The following SKI variants were observed in gnomAD, a reference collection of about 807,000 sequenced individuals.
The protein encoded by SKI is ski oncogene.
SKI carries 23 observed loss-of-function variants against 59.3 expected under a neutral mutation model. The observed-to-expected ratio is 0.39, with a 90% CI of 0.28 to 0.55. SKI has a LOEUF of 0.55. Among genes scored for constraint, SKI ranks in the 20% least tolerant of loss-of-function variants. The pLI, the probability that SKI is intolerant of heterozygous loss-of-function variation, is 0.67. For synonymous variants in SKI, 673 were observed against 488.6 expected (o/e 1.38, Z -4.98); for missense variants, 1,017 against 1,038.9 (o/e 0.98, Z 0.29).
In SKI at chr1:2,306,774, C is replaced by T. The variant is rs1242627775; in HGVS notation, c.*9C>T. On this transcript the variant is annotated 3_prime_UTR_variant, in exon 7 of 7. Transcript: ENST00000378536. ...CGGAGCTGGAGCCGTAGATTCCGTG[C>T]CTGCCGCCGCAGCGCCGCCGACAAC... is the stretch of plus-strand genomic sequence containing the variant. 1.3e-6 allele frequency: 2 copies of T among 1,497,836 alleles called. No homozygotes were observed. Among genetic ancestry groups the T allele is most frequent in the African/African-American group, 1.5e-5 (1 of 68,534 alleles). The allele number at this position is 1,497,836 out of a possible 1,614,324, so 92.8% of individuals were successfully genotyped here.
intron 1 of SKI, among the ~76,000 whole-genome samples, chr1:2,277,718 G>C (rs1029737859): frequency 5.8e-5 from 8 of 139,102 alleles, no homozygotes; most frequent in African/African-American, 2.2e-4. Flanking sequence ...ACACACGTCA[G>C]TCCTGTGGGT....
At chr1:2,251,643 TG>T (rs1469242504) in intron 1 of SKI, among the ~76,000 whole-genome samples, 1 of 152,108 alleles carries the variant, frequency 6.6e-6, no homozygotes, top group Admixed American at 6.5e-5. Context: ...GGGCAGCATC[TG>T]GGGGGGCTGG....
intron 1 of SKI, among the ~76,000 whole-genome samples, chr1:2,245,985 C>T (rs780260192): frequency 2.7e-5 from 4 of 149,690 alleles, no homozygotes; most frequent in African/African-American, 7.4e-5. Context: ...TTAGTAGAGA[C>T]GGGTTTCGCC....
chr1:2,306,326 C>T (rs1276163129), intron 6 of SKI, 76 bp downstream of exon 6: 2 of 1,355,816 alleles, frequency 1.5e-6, no homozygotes, highest in Non-Finnish European at 2.0e-6. Flanking sequence ...CCAGTCCTGC[C>T]CAGCCGGAAA....
At position 2,303,825 on chromosome 1, in the gene SKI, C is replaced by A; in HGVS notation, c.1212-15C>A. The A allele has an allele frequency of 6.2e-7, 1 of 1,611,860 alleles. No homozygotes were observed. Among genetic ancestry groups the A allele is most frequent in the Non-Finnish European group, 8.5e-7 (1 of 1,179,626 alleles). On this transcript the variant is annotated splice_polypyrimidine_tract_variant and intron_variant, in intron 3 of 6. Coordinates refer to ENST00000378536, the MANE Select transcript of SKI (RefSeq NM_003036.4). This position sits in a 1 kb window ranked among gnomAD's most constrained non-coding sequence, Gnocchi z 5.6. ...GGGACAGAGGCACCTTCCCGACACC[C>A]GCCTGCCCCTCCAGCTTCTACTCCT...
At position 2,306,867 on chromosome 1, in the gene SKI, A is replaced by G. The variant is rs960507798; in HGVS notation, c.*102A>G. On this transcript the variant is annotated 3_prime_UTR_variant, in exon 7 of 7. Transcript: ENST00000378536. ...GCTCCGCCCCTGCAGCCCACACAGCACAACGTCTTACCGTGCCTATTACCA... is the reference window on the plus strand; with the variant it reads ...GCTCCGCCCCTGCAGCCCACACAGCGCAACGTCTTACCGTGCCTATTACCA... 10 of 783,976 alleles carry G rather than the reference A, an allele frequency of 1.3e-5. No individual in the cohort carries two copies. The highest frequency in any genetic ancestry group is 4.6e-5 in the East Asian group (1 of 21,818). 48.6% of individuals were successfully genotyped at this position (783,976 alleles called of 1,614,324 possible).
rs112836906 is a variant in SKI, at chr1:2,271,289, C to T, written c.970-31689C>T. Among the ~76,000 whole-genome samples, 6 of 152,256 alleles carry T rather than the reference C, an allele frequency of 3.9e-5. 1 individual carries two copies. The highest frequency in any genetic ancestry group is 1.4e-4 in the African/African-American group (6 of 41,558). On this transcript the variant is annotated intron_variant, in intron 1 of 6. Transcript: ENST00000378536. ...TGAAGAACACTTGCTGTCCTCCCCT[C>T]AGAAGAGTCTGCTCGGTGGGGGAGC...
intron 1 of SKI, among the ~76,000 whole-genome samples, chr1:2,272,849 CG>C (rs1639656076): frequency 6.6e-6 from 1 of 152,088 alleles, no homozygotes; most frequent in South Asian, 2.1e-4. Context: ...TCCCACGCCC[CG>C]AGCCTCGCCC....
Position 2,229,529 on chromosome 1 carries a change from C to G in SKI, c.763C>G (p.Pro255Ala). The change falls in exon 1 of 7, where the codon CCG (proline) becomes GCG (alanine). Residue 255 changes from proline to alanine, a missense_variant. Pro to Ala is a conservative substitution (Grantham distance 27). Transcript: ENST00000378536. This position sits in a 1 kb window ranked among gnomAD's most constrained non-coding sequence, Gnocchi z 6.3. ...GTGCCTGGACTGCCGCCTCATGTAC[C>G]CGCCGCACAAGTTCGTGGTGCACTC... ...IQCLDCRLMY[P>A]PHKFVVHSHK... The G allele has an allele frequency of 6.2e-7, 1 of 1,611,378 alleles. No individual in the cohort carries two copies.
chr1:2,273,147 C>T (rs909957217), intron 1 of SKI, among the ~76,000 whole-genome samples: 8 of 152,216 alleles, frequency 5.3e-5, no homozygotes, highest in Admixed American at 2.6e-4. Context: ...TGTTTTCGGC[C>T]GTCTGAGACC....
intron 5 of SKI, 129 bp from the exon 6 acceptor site, chr1:2,305,891 C>A (rs966522739): frequency 1.3e-6 from 1 of 784,482 alleles, no homozygotes; most frequent in Admixed American, 2.0e-5. Flanking sequence ...TGATGGCGCG[C>A]TGGGGGCGGG....
intron 1 of SKI, among the ~76,000 whole-genome samples, chr1:2,258,269 G>A (rs532958492): frequency 1.3e-5 from 2 of 152,170 alleles, no homozygotes; most frequent in South Asian, 4.2e-4. Context: ...CCGTATGTTC[G>A]GTGTCTGCAG....
intron 1 of SKI, among the ~76,000 whole-genome samples, chr1:2,247,127 G>A (rs1383124952): frequency 6.6e-6 from 1 of 152,242 alleles, no homozygotes; most frequent in Admixed American, 6.5e-5. Context: ...GCTGAGGCAG[G>A]AGAATCACTT....
chr1:2,287,262 C>T (rs1157245648), intron 1 of SKI, among the ~76,000 whole-genome samples: 1 of 151,686 alleles, frequency 6.6e-6, no homozygotes, highest in Non-Finnish European at 1.5e-5. Context: ...GAATGCGTTT[C>T]TTTAGATTTT....
chr1:2,293,753 G>C (rs1640220228), intron 1 of SKI, among the ~76,000 whole-genome samples: 1 of 152,204 alleles, frequency 6.6e-6, no homozygotes, highest in South Asian at 2.1e-4. Flanking sequence ...GGTGGCTGCT[G>C]CCCGGCCTCT....
intron 1 of SKI, among the ~76,000 whole-genome samples, chr1:2,266,407 C>T (rs1179084160): frequency 1.3e-5 from 2 of 152,222 alleles, no homozygotes; most frequent in African/African-American, 4.8e-5. Flanking sequence ...CCGCCATGCT[C>T]TCCCTGAATT....
Position 2,286,931 on chromosome 1 carries a change from A to G in SKI, c.970-16047A>G, listed in dbSNP as rs1640051798. Among the ~76,000 whole-genome samples the G allele has an allele frequency of 2.0e-5, 3 of 152,358 alleles. No homozygotes were observed. The South Asian group carries it at 6.2e-4, about 32-fold the overall frequency. The stretch of plus-strand genomic sequence containing the variant: ...TTTGCTTATAAAAGAACATCTTATC[A>G]AAGGTGAAACTGTTCAGAATGCCAA... On this transcript the variant is annotated intron_variant, in intron 1 of 6. Transcript: ENST00000378536.
At chr1:2,266,176 A>G (rs1206518537) in intron 1 of SKI, among the ~76,000 whole-genome samples, 1 of 152,082 alleles carries the variant, frequency 6.6e-6, no homozygotes, top group African/African-American at 2.4e-5. Flanking sequence ...GAATTTGGGC[A>G]ATTTCCTGTC....
rs777470450 is a variant in SKI, at chr1:2,268,973, T to C, written c.970-34005T>C. Among the ~76,000 whole-genome samples the C allele has an allele frequency of 9.9e-5, 15 of 151,918 alleles. No homozygotes were observed. Among genetic ancestry groups the C allele is most frequent in the South Asian group, 2.1e-4 (1 of 4,806 alleles). On this transcript the variant is annotated intron_variant, in intron 1 of 6. Coordinates refer to ENST00000378536, the MANE Select transcript of SKI (RefSeq NM_003036.4). This position sits in a 1 kb window ranked among gnomAD's most constrained non-coding sequence, Gnocchi z 5.0. ...TCTCCCTCTTCTTTTTTCGACAGGG[T>C]CTGGCTCTGGCTCTGTCACCCAGGC...
Sources: gnomAD v4.1 joint callset for allele counts (sites outside exome capture counted in the v4.1 genomes callset) on GRCh38, gnomAD v4.1.1 for gene constraint, Gnocchi (gnomAD v3.1) non-coding constraint, MANE v1.5 for transcripts, NCBI Gene and HGNC (gene_info 2026-07-23, HGNC 2026-07-21) for gene names.